NYAP2: variants seen among roughly 807,000 people sequenced by gnomAD.
NYAP2 encodes the protein neuronal tyrosine-phosphorylated phosphoinositide-3-kinase adaptor 2.
A neutral mutation model predicts 50.4 loss-of-function variants in NYAP2; 23 were observed. That is an observed-to-expected ratio of 0.46 (90% CI 0.33 to 0.65). The LOEUF (loss-of-function observed/expected upper bound fraction) is 0.65. NYAP2 is among the 30% of genes least tolerant of loss of function. NYAP2 has a pLI of 0.02. For synonymous variants in NYAP2, 394 were observed against 365.2 expected (o/e 1.08, Z -0.90); for missense variants, 885 against 861.0 (o/e 1.03, Z -0.35).
chr2:225,622,870 C>T (rs1693146132), intron 5 of NYAP2, among the ~76,000 whole-genome samples: 1 of 152,148 alleles, frequency 6.6e-6, no homozygotes, highest in Non-Finnish European at 1.5e-5. Context: ...CAGGCTTCAG[C>T]CACCATGCCC....
chr2:225,499,404 CG>C (rs1690563625), intron 3 of NYAP2, among the ~76,000 whole-genome samples: 1 of 151,900 alleles, frequency 6.6e-6, no homozygotes, highest in East Asian at 1.9e-4. Context: ...GCTCTGCCTC[CG>C]GGGTTCACGC....
At chr2:225,696,623 A>G in the NYAP2 span, among the ~76,000 whole-genome samples, 1 of 151,892 alleles carries the variant, frequency 6.6e-6, no homozygotes, top group African/African-American at 2.4e-5. Context: ...ACCAAAACCT[A>G]CCTGCCTGGT....
In NYAP2 at chr2:225,409,085, G is replaced by C. The variant is rs200534850; in HGVS notation, c.205G>C (p.Glu69Gln). 254 of 1,601,994 alleles carry C rather than the reference G, an allele frequency of 1.6e-4. 1 individual carries two copies. The highest frequency in any genetic ancestry group is 6.6e-4 in the Middle Eastern group (4 of 6,032). Reference sequence around the variant, plus strand: ...GAAGAATGAAAAACGCCGAAGACAAGAAGAAGCAATAAAGCGGTAAATATA... The same window carrying C: ...GAAGAATGAAAAACGCCGAAGACAACAAGAAGCAATAAAGCGGTAAATATA... Residue 69 changes from glutamate (E) to glutamine (Q), a missense_variant, in exon 3 of 7, where the codon GAA (glutamate) becomes CAA (glutamine). Transcript: ENST00000636099.
chr2:225,441,419 T>A (rs1282111555), intron 3 of NYAP2, among the ~76,000 whole-genome samples: 1 of 152,178 alleles, frequency 6.6e-6, no homozygotes, highest in Admixed American at 6.5e-5. Context: ...CAAAGTCTGA[T>A]GGTCACATTT....
At chr2:225,641,652 A>G (rs1466267857) in intron 6 of NYAP2, among the ~76,000 whole-genome samples, 1 of 151,996 alleles carries the variant, frequency 6.6e-6, no homozygotes, top group Non-Finnish European at 1.5e-5. Context: ...ATCTCTACTA[A>G]AAATACAAAA....
At chr2:225,484,799 T>A (rs1469869952) in intron 3 of NYAP2, among the ~76,000 whole-genome samples, 1 of 152,262 alleles carries the variant, frequency 6.6e-6, no homozygotes, top group Non-Finnish European at 1.5e-5. Context: ...ATTGGCCTGG[T>A]CTGGTGGTTT....
intron 3 of NYAP2, among the ~76,000 whole-genome samples, chr2:225,495,156 A>G (rs1291157782): frequency 6.6e-6 from 1 of 152,176 alleles, no homozygotes; most frequent in African/African-American, 2.4e-5. Flanking sequence ...CCATGTTGAG[A>G]CCTATACAGC....
At chr2:225,559,687 A>G (rs1039812965) in intron 4 of NYAP2, among the ~76,000 whole-genome samples, 3 of 152,086 alleles carry the variant, frequency 2.0e-5, no homozygotes, top group African/African-American at 7.2e-5. Context: ...AAAAACACAC[A>G]AACAAAATAT....
the NYAP2 span, among the ~76,000 whole-genome samples, chr2:225,669,216 A>T: frequency 6.6e-6 from 1 of 152,080 alleles, no homozygotes; most frequent in Non-Finnish European, 1.5e-5. Context: ...GATGTTAATT[A>T]TTACTATTTT....
intron 5 of NYAP2, among the ~76,000 whole-genome samples, chr2:225,605,002 G>A (rs188587290): frequency 6.6e-6 from 1 of 152,048 alleles, no homozygotes; most frequent in South Asian, 2.1e-4. Context: ...CATTTACTTT[G>A]ATAGAAATTA....
At chr2:225,443,458 T>A (rs777551669) in intron 3 of NYAP2, among the ~76,000 whole-genome samples, 10 of 152,096 alleles carry the variant, frequency 6.6e-5, no homozygotes, top group Non-Finnish European at 1.5e-4. Flanking sequence ...CCAGGTGAAA[T>A]GACATTCTAA....
intron 5 of NYAP2, among the ~76,000 whole-genome samples, chr2:225,586,843 C>A (rs971994797): frequency 3.3e-5 from 5 of 152,232 alleles, no homozygotes; most frequent in Non-Finnish European, 7.3e-5. Context: ...AAATGTTTAA[C>A]CCTCATATCA....
At chr2:225,585,614 G>C (rs146801631) in intron 5 of NYAP2, among the ~76,000 whole-genome samples, 1,745 of 152,282 alleles carry the variant, frequency 0.011, 17 homozygotes, top group Non-Finnish European at 0.018. Context: ...TGCAGAGAAA[G>C]GGCATGCCTC....
chr2:225,484,987 T>A (rs1690265912), intron 3 of NYAP2, among the ~76,000 whole-genome samples: 1 of 152,248 alleles, frequency 6.6e-6, no homozygotes, highest in South Asian at 2.1e-4. Flanking sequence ...TTTGAGGCTC[T>A]CTGAGCCTGG....
chr2:225,535,481 G>C (rs762860392), intron 4 of NYAP2, among the ~76,000 whole-genome samples: 11 of 152,178 alleles, frequency 7.2e-5, no homozygotes, highest in Non-Finnish European at 1.6e-4. Context: ...ATCACAAGGA[G>C]GTCAGTGTTG....
intron 4 of NYAP2, among the ~76,000 whole-genome samples, chr2:225,530,562 T>C (rs1197212780): frequency 6.6e-6 from 1 of 152,222 alleles, no homozygotes; most frequent in African/African-American, 2.4e-5. Flanking sequence ...ACTACTCTAT[T>C]TGTCTCCTTG....
chr2:225,645,206 T>G (rs552451552), intron 6 of NYAP2, among the ~76,000 whole-genome samples: 1 of 144,996 alleles, frequency 6.9e-6, no homozygotes, highest in South Asian at 2.2e-4. Context: ...TGCAGTGAGC[T>G]GAGATCACGT....
chr2:225,433,025 A>G (rs1689294179), intron 3 of NYAP2, among the ~76,000 whole-genome samples: 1 of 152,224 alleles, frequency 6.6e-6, no homozygotes, highest in Non-Finnish European at 1.5e-5. Flanking sequence ...GTTGGGAAGT[A>G]TAGTTTTTAG....
chr2:225,537,694 T>C (rs1311482928), intron 4 of NYAP2, among the ~76,000 whole-genome samples: 1 of 152,050 alleles, frequency 6.6e-6, no homozygotes, highest in Non-Finnish European at 1.5e-5. Flanking sequence ...CCCTCCCAAA[T>C]CTCATGTCCT....
Sources: gnomAD v4.1 joint callset for allele counts (sites outside exome capture counted in the v4.1 genomes callset) on GRCh38, gnomAD v4.1.1 for gene constraint, MANE v1.5 for transcripts, NCBI Gene and HGNC (gene_info 2026-07-23, HGNC 2026-07-21) for gene names.